The following SLC36A4 variants were observed in gnomAD, a reference collection of about 807,000 sequenced individuals.
SLC36A4 encodes the protein solute carrier family 36 member 4, also known as neutral amino acid uniporter 4.
SLC36A4 carries 49 observed loss-of-function variants against 50.5 expected under a neutral mutation model. The observed-to-expected ratio is 0.97, with a 90% CI of 0.77 to 1.23. The LOEUF (loss-of-function observed/expected upper bound fraction) is 1.23. SLC36A4 is among the 50% of genes most tolerant of loss of function. The pLI, the probability that SLC36A4 is intolerant of heterozygous loss-of-function variation, is 0.00. For missense variants in SLC36A4, 611 were observed against 608.4 expected, an observed-to-expected ratio of 1.00 and a Z score of -0.05; for synonymous variants, 207 against 206.5, an observed-to-expected ratio of 1.00 and a Z score of -0.02.
At chr11:93,162,174 T>C (rs1860646566) in intron 9 of SLC36A4, among the ~76,000 whole-genome samples, 3 of 152,190 alleles carry the variant, frequency 2.0e-5, no homozygotes, top group South Asian at 2.1e-4. Context: ...TCTACTCTTA[T>C]ACTTGACTTG....
rs1399132471 is a variant in SLC36A4, at chr11:93,197,853, G to A, written c.-21C>T. On this transcript the variant is annotated 5_prime_UTR_variant, in exon 1 of 11. Coordinates refer to ENST00000326402, the MANE Select transcript of SLC36A4 (RefSeq NM_152313.4). ...TCCATCTCTCGCGGGTCTCCAGGAC[G>A]CCGCCGCCCGAGTGCTCACTCTCCC... 6.5e-7 allele frequency: 1 copy of A among 1,539,148 alleles called. No homozygotes were observed. The highest frequency in any genetic ancestry group is 1.8e-5 in the Admixed American group (1 of 54,970).
intron 9 of SLC36A4, among the ~76,000 whole-genome samples, chr11:93,157,280 T>C (rs1234484365): frequency 2.0e-5 from 3 of 152,212 alleles, no homozygotes; most frequent in Non-Finnish European, 4.4e-5. Flanking sequence ...GGTAGTGTGA[T>C]GCCTCCAGCT....
At chr11:93,174,567 T>G (rs999743390) in intron 6 of SLC36A4, among the ~76,000 whole-genome samples, 76 of 149,070 alleles carry the variant, frequency 5.1e-4, no homozygotes, top group Non-Finnish European at 9.5e-4. Context: ...CCATTCAGTA[T>G]GATGTTGGCT....
At chr11:93,158,061 C>T (rs577975988) in intron 9 of SLC36A4, among the ~76,000 whole-genome samples, 3 of 152,230 alleles carry the variant, frequency 2.0e-5, no homozygotes, top group Admixed American at 2.0e-4. Flanking sequence ...TGAAGATACA[C>T]ATCACAATTA....
At chr11:93,189,208 T>C (rs1161933834) in intron 1 of SLC36A4, among the ~76,000 whole-genome samples, 1 of 151,880 alleles carries the variant, frequency 6.6e-6, no homozygotes, top group African/African-American at 2.4e-5. Context: ...GGATAACAGG[T>C]GTGCACCACC....
chr11:93,147,705 C>A lies in SLC36A4; in HGVS notation c.*832G>T, dbSNP rs1859892953. Reference sequence around the variant, plus strand: ...AAAATTAAGCTGAACATAATTTATTCTTTTTCTTGGACATGATGTGAGAAA... The same window carrying A: ...AAAATTAAGCTGAACATAATTTATTATTTTTCTTGGACATGATGTGAGAAA... On this transcript the variant is annotated 3_prime_UTR_variant, in exon 11 of 11. Coordinates refer to ENST00000326402, the MANE Select transcript of SLC36A4 (RefSeq NM_152313.4). 1 of 152,018 alleles carries A rather than the reference C, an allele frequency of 6.6e-6. No homozygotes were observed. The highest frequency in any genetic ancestry group is 2.4e-5 in the African/African-American group (1 of 41,416). The allele number at this position is 152,018 out of a possible 1,614,324, so 9.4% of individuals were successfully genotyped here. A position where few individuals can be genotyped will look rare whatever the true frequency, so the allele number is the denominator to read the frequency against.
chr11:93,167,128 T>TA (rs1370233994), intron 7 of SLC36A4: 1 of 152,094 alleles, frequency 6.6e-6, no homozygotes, highest in Non-Finnish European at 1.5e-5. Flanking sequence ...TAAGAGAAAC[T>TA]ACAACTTTTG....
At chr11:93,182,771 T>G (rs760352296) in intron 4 of SLC36A4, 35 bp downstream of exon 4, 27 of 1,487,698 alleles carry the variant, frequency 1.8e-5, no homozygotes, top group Non-Finnish European at 2.4e-5. Flanking sequence ...AAAAGATAGC[T>G]TTAAAATAAA....
At chr11:93,197,711 G>A in intron 1 of SLC36A4, 67 bp downstream of exon 1, 1 of 1,514,290 alleles carries the variant, frequency 6.6e-7, no homozygotes, top group East Asian at 2.5e-5. Flanking sequence ...AGGTGTGGGC[G>A]CACCCGACTC....
At chr11:93,190,092 T>C (rs944171514) in intron 1 of SLC36A4, among the ~76,000 whole-genome samples, 4 of 152,186 alleles carry the variant, frequency 2.6e-5, no homozygotes, top group African/African-American at 4.8e-5. Flanking sequence ...TCCCTATTAT[T>C]ACACTTTTCC....
At position 93,145,883 on chromosome 11, in the gene SLC36A4, G is replaced by GA. The variant is rs890919657; in HGVS notation, c.*2653dup. 5.7e-4 allele frequency: 86 copies of GA among 152,094 alleles called. No individual in the cohort carries two copies. Among genetic ancestry groups the GA allele is most frequent in the African/African-American group, 2.0e-3 (82 of 41,534 alleles). The allele number at this position is 152,094 out of a possible 1,614,324, so 9.4% of individuals were successfully genotyped here. ...GACTTATTAAAGCTAAATTTTCAGA[G>GA]AAAAAATTACCCACTGGTTATTTTT... On this transcript the variant is annotated 3_prime_UTR_variant, in exon 11 of 11. Coordinates refer to ENST00000326402, the MANE Select transcript of SLC36A4 (RefSeq NM_152313.4).
intron 6 of SLC36A4, among the ~76,000 whole-genome samples, chr11:93,170,644 T>G (rs374223071): frequency 2.6e-5 from 4 of 152,090 alleles, no homozygotes; most frequent in African/African-American, 9.7e-5. Flanking sequence ...CTACATTTTT[T>G]ATTTGTAATA....
chr11:93,145,189 TAAAG>T lies in SLC36A4; in HGVS notation c.*3344_*3347del, dbSNP rs1859823505. The T allele has an allele frequency of 6.6e-6, 1 of 152,066 alleles. No homozygotes were observed. Among genetic ancestry groups the T allele is most frequent in the African/African-American group, 2.4e-5 (1 of 41,446 alleles). The allele number at this position is 152,066 out of a possible 1,614,324, so 9.4% of individuals were successfully genotyped here. A position where few individuals can be genotyped will look rare whatever the true frequency, so the allele number is the denominator to read the frequency against. ...GTAATATTTTATAGTATTTTGCAGT[TAAAG>T]AGATTTTACATAACTACTATGAAAC... On this transcript the variant is annotated 3_prime_UTR_variant, in exon 11 of 11. Transcript: ENST00000326402.
At chr11:93,181,590 C>A in intron 5 of SLC36A4, 101 bp downstream of exon 5, 1 of 906,506 alleles carries the variant, frequency 1.1e-6, no homozygotes, top group Non-Finnish European at 1.5e-6. Flanking sequence ...TGTTTATTCC[C>A]CAACTTTATC....
intron 6 of SLC36A4, among the ~76,000 whole-genome samples, chr11:93,179,763 C>A (rs2134688768): frequency 6.6e-6 from 1 of 152,290 alleles, no homozygotes; most frequent in African/African-American, 2.4e-5. Context: ...AAACTATGGT[C>A]TGCAGACCAC....
At position 93,197,890 on chromosome 11, in the gene SLC36A4, G is replaced by T. The variant is rs11020196; in HGVS notation, c.-58C>A. 250,019 of 1,483,538 alleles carry T rather than the reference G, an allele frequency of 0.17. 25,995 individuals are homozygous for T. Among genetic ancestry groups the T allele is most frequent in the East Asian group, 0.44 (16,375 of 37,274 alleles). 91.9% of individuals were successfully genotyped at this position (1,483,538 alleles called of 1,614,324 possible). On this transcript the variant is annotated 5_prime_UTR_variant, in exon 1 of 11. Transcript: ENST00000326402. ...GTGCTCACTCTCCCGCCGCTGCGTGGCCGGCGTCAGGCCCAGGCCTACCTC... is the reference window on the plus strand; with the variant it reads ...GTGCTCACTCTCCCGCCGCTGCGTGTCCGGCGTCAGGCCCAGGCCTACCTC...
chr11:93,180,879 C>G lies in SLC36A4; in HGVS notation c.458G>C (p.Ser153Thr). Residue 153 changes from serine (S) to threonine (T), a missense_variant and splice_region_variant, in exon 6 of 11, where the codon AGT becomes ACT. By Grantham distance (58) the Ser-to-Thr change is moderately conservative. Coordinates refer to ENST00000326402, the MANE Select transcript of SLC36A4 (RefSeq NM_152313.4). Reference sequence around the variant, plus strand: ...TATCACCAGAAAAAAGTCAACCACACTCCTGAAAAAAGATATCCACAAATG... The same window carrying G: ...TATCACCAGAAAAAAGTCAACCACAGTCCTGAAAAAAGATATCCACAAATG... ...CLQKQAAWGR[S>T]VVDFFLVITQ... is the part of the protein sequence containing the mutation. 1 of 1,609,070 alleles carries G rather than the reference C, an allele frequency of 6.2e-7. No homozygotes were observed.
At chr11:93,197,005 TATTA>T (rs1487273665) in intron 1 of SLC36A4, among the ~76,000 whole-genome samples, 1 of 152,206 alleles carries the variant, frequency 6.6e-6, no homozygotes, top group Non-Finnish European at 1.5e-5. Context: ...CCCTGCAGGC[TATTA>T]GAGGAATAAC....
chr11:93,192,297 G>A (rs138113514), intron 1 of SLC36A4, among the ~76,000 whole-genome samples: 36 of 152,268 alleles, frequency 2.4e-4, no homozygotes, highest in Non-Finnish European at 4.1e-4. Flanking sequence ...TAGGCAGCAG[G>A]AACAAAGGCA....
Sources: gnomAD v4.1 joint callset for allele counts (sites outside exome capture counted in the v4.1 genomes callset) on GRCh38, gnomAD v4.1.1 for gene constraint, MANE v1.5 for transcripts, NCBI Gene and HGNC (gene_info 2026-07-23, HGNC 2026-07-21) for gene names.